The following UQCC1 variants were observed in gnomAD, a reference collection of about 807,000 sequenced individuals.
UQCC1 encodes the protein bFGF-repressed Zic-binding protein.
UQCC1 carries 38 observed loss-of-function variants against 48.0 expected under a neutral mutation model. The ratio of observed to expected loss-of-function variants is 0.79; its 90% CI spans 0.61 to 1.04. UQCC1 has a LOEUF of 1.04. UQCC1 is among the 50% of genes least tolerant of loss of function. The pLI is 0.00. For missense variants in UQCC1, 368 were observed against 381.8 expected, an observed-to-expected ratio of 0.96 and a Z score of 0.30; for synonymous variants, 111 against 129.2, an observed-to-expected ratio of 0.86 and a Z score of 0.95.
chr20:35,358,209 C>G (rs1212213909), intron 6 of UQCC1, among the ~76,000 whole-genome samples: 2 of 151,772 alleles, frequency 1.3e-5, no homozygotes, highest in East Asian at 3.9e-4. Flanking sequence ...CAAAAATTAG[C>G]TGGGCATGGT....
chr20:35,383,046 C>T (rs1203920697), intron 3 of UQCC1, among the ~76,000 whole-genome samples: 1 of 152,060 alleles, frequency 6.6e-6, no homozygotes, highest in Non-Finnish European at 1.5e-5. Context: ...AGAAGTAAAA[C>T]ATTCTATGCT....
intron 1 of UQCC1, among the ~76,000 whole-genome samples, chr20:35,400,285 G>A (rs1371642000): frequency 2.0e-5 from 3 of 151,968 alleles, no homozygotes; most frequent in Non-Finnish European, 2.9e-5. Flanking sequence ...ATAAATCTGT[G>A]GAAGTACTTA....
chr20:35,303,942 C>T lies in UQCC1; in HGVS notation c.893G>A (p.Gly298Glu). Residue 298 changes from glycine (G) to glutamate (E), a missense_variant, in exon 10 of 10, where the codon GGA becomes GAA. Gly to Glu is a moderately conservative substitution (Grantham distance 98). Coordinates refer to ENST00000374385, the MANE Select transcript of UQCC1 (RefSeq NM_018244.5). ...KPHSPTYNDE[G>E]L Reference sequence around the variant, plus strand: ...TGCGGAGGGCCCAGCCCATCAAAGTCCCTCGTCGTTGTAAGTCGGAGAATG... The same window carrying T: ...TGCGGAGGGCCCAGCCCATCAAAGTTCCTCGTCGTTGTAAGTCGGAGAATG... The T allele has an allele frequency of 6.2e-7, 1 of 1,614,208 alleles. No homozygotes were observed. The highest frequency in any genetic ancestry group is 8.5e-7 in the Non-Finnish European group (1 of 1,180,026).
In UQCC1 at chr20:35,314,737, A is replaced by G; in HGVS notation, c.602T>C (p.Met201Thr). 6.2e-7 allele frequency: 1 copy of G among 1,608,550 alleles called. No individual in the cohort carries two copies. The highest frequency in any genetic ancestry group is 8.5e-7 in the Non-Finnish European group (1 of 1,175,662). The change falls in exon 8 of 10, where the codon ATG (methionine) becomes ACG (threonine). Residue 201 changes from methionine (M) to threonine (T), a missense_variant. By Grantham distance (81) the Met-to-Thr change is moderately conservative (BLOSUM62 -1). Transcript: ENST00000374385. The stretch of plus-strand genomic sequence containing the variant: ...ATAGAAATGATTTGTCATGAGGATC[A>G]TGTTCTTCTTCAGGATATAGGGATT... ...GVNPYILKKN[M>T]ILMTNHFYAA...
intron 5 of UQCC1, among the ~76,000 whole-genome samples, chr20:35,368,531 C>T (rs1255988710): frequency 1.3e-5 from 2 of 152,172 alleles, no homozygotes; most frequent in Non-Finnish European, 2.9e-5. Context: ...TCTAATACCA[C>T]TATCAGAAAC....
At chr20:35,388,608 A>G (rs1290099305) in intron 2 of UQCC1, among the ~76,000 whole-genome samples, 5 of 152,200 alleles carry the variant, frequency 3.3e-5, no homozygotes, top group Admixed American at 6.5e-5. Context: ...ATTAGAACAC[A>G]AAGGCTCAAA....
chr20:35,378,584 C>A (rs905054877), intron 4 of UQCC1, among the ~76,000 whole-genome samples: 2 of 152,080 alleles, frequency 1.3e-5, no homozygotes, highest in African/African-American at 4.8e-5. Flanking sequence ...GAGCCGAGAT[C>A]GCGCCACTGC....
intron 7 of UQCC1, among the ~76,000 whole-genome samples, chr20:35,331,050 T>C (rs1387514738): frequency 1.3e-5 from 2 of 152,054 alleles, no homozygotes; most frequent in Non-Finnish European, 1.5e-5. Flanking sequence ...CACAAACACC[T>C]ATCGAAAATG....
intron 7 of UQCC1, among the ~76,000 whole-genome samples, chr20:35,338,874 A>ATATATATATATATATATAT (rs1568666053): frequency 1.7e-5 from 1 of 58,432 alleles, no homozygotes; most frequent in Non-Finnish European, 2.8e-5. Context: ...AAAAAAAAAA[A>ATATATATATATATATATAT]AAAAAAAAAA....
intron 6 of UQCC1, among the ~76,000 whole-genome samples, chr20:35,365,392 C>T (rs1197580098): frequency 3.3e-5 from 5 of 152,062 alleles, no homozygotes; most frequent in Admixed American, 6.6e-5. Flanking sequence ...CGGTGGCTCA[C>T]GCCTGTAATC....
At chr20:35,343,890 A>G (rs1236673563) in intron 7 of UQCC1, among the ~76,000 whole-genome samples, 1 of 152,220 alleles carries the variant, frequency 6.6e-6, no homozygotes, top group African/African-American at 2.4e-5. Flanking sequence ...GGTGAACCAT[A>G]GGCACATTAA....
At chr20:35,376,192 C>T (rs942456501) in intron 4 of UQCC1, among the ~76,000 whole-genome samples, 9 of 151,032 alleles carry the variant, frequency 6.0e-5, no homozygotes, top group Non-Finnish European at 1.2e-4. Flanking sequence ...CCTGTAATCC[C>T]AGTTACTTGG....
At chr20:35,386,228 GC>G in intron 2 of UQCC1, 1 of 384,936 alleles carries the variant, frequency 2.6e-6, no homozygotes, top group Admixed American at 3.8e-5. Flanking sequence ...AATAATTCTG[GC>G]AAAAAAAAAA....
At chr20:35,375,078 T>C (rs1375718613) in intron 4 of UQCC1, among the ~76,000 whole-genome samples, 2 of 152,196 alleles carry the variant, frequency 1.3e-5, no homozygotes, top group East Asian at 3.9e-4. Flanking sequence ...ACTAAATAAA[T>C]GAGCACTTCA....
chr20:35,401,556 C>T (rs1335810249), intron 1 of UQCC1, among the ~76,000 whole-genome samples: 1 of 151,740 alleles, frequency 6.6e-6, no homozygotes, highest in Non-Finnish European at 1.5e-5. Flanking sequence ...AAAAGTGCTG[C>T]AAGTATTGAT....
intron 6 of UQCC1, among the ~76,000 whole-genome samples, chr20:35,364,093 A>G (rs1409993029): frequency 6.6e-6 from 1 of 152,198 alleles, no homozygotes; most frequent in Admixed American, 6.5e-5. Flanking sequence ...CAGACACATC[A>G]GGCAACTGGC....
chr20:35,410,621 C>T (rs1432445523), intron 1 of UQCC1, among the ~76,000 whole-genome samples: 2 of 142,514 alleles, frequency 1.4e-5, no homozygotes, highest in East Asian at 2.1e-4. Flanking sequence ...AGGAGAATTG[C>T]TTGAACCCGG....
At chr20:35,369,683 T>C (rs571522272) in intron 5 of UQCC1, among the ~76,000 whole-genome samples, 9 of 152,296 alleles carry the variant, frequency 5.9e-5, no homozygotes, top group African/African-American at 1.9e-4. Context: ...CCTTGTAAGA[T>C]TTTTGTGAGA....
intron 7 of UQCC1, among the ~76,000 whole-genome samples, chr20:35,333,620 T>A (rs2061282286): frequency 6.6e-6 from 1 of 152,110 alleles, no homozygotes. Flanking sequence ...GCTTATACCA[T>A]CTCTCTCTCC....
Sources: allele counts gnomAD v4.1 joint callset (sites outside exome capture counted in the v4.1 genomes callset), GRCh38; gene constraint gnomAD v4.1.1; transcripts MANE v1.5; gene names NCBI Gene and HGNC (gene_info 2026-07-23, HGNC 2026-07-21).